The following SPC25 variants were observed in gnomAD, a reference collection of about 807,000 sequenced individuals.
The protein encoded by SPC25 is kinetochore protein Spc25.
SPC25 carries 22 observed loss-of-function variants against 29.6 expected under a neutral mutation model. The observed-to-expected ratio is 0.74, with a 90% confidence interval of 0.53 to 1.06. The LOEUF (loss-of-function observed/expected upper bound fraction) is 1.06. SPC25 is among the 50% of genes least tolerant of loss of function. The probability of loss-of-function intolerance (pLI) is 0.00; values close to 1 mark genes in which losing one functional copy is unlikely to be tolerated. For missense variants in SPC25, 230 were observed against 255.8 expected (o/e 0.90, Z 0.69); for synonymous variants, 91 against 90.4 (o/e 1.01, Z -0.04).
At chr2:168,869,050 A>C (rs1689929067), downstream of SPC25, among the ~76,000 whole-genome samples, 1 of 152,254 alleles carries the variant, frequency 6.6e-6, no homozygotes, top group Admixed American at 6.5e-5. Context: ...GGCTGGTTCA[A>C]CATACGAAAA....
At position 168,889,382 on chromosome 2, in the gene SPC25, G is replaced by T. The variant is rs751825373; in HGVS notation, c.133+5C>A. 2 of 1,613,992 alleles carry T rather than the reference G, an allele frequency of 1.2e-6. No homozygotes were observed. The highest frequency in any genetic ancestry group is 1.3e-5 in the African/African-American group (1 of 74,986). ...ACCAGCATGTTACAAGTTAACACTA[G>T]GTACCTGCAAATGCTTTGATGGAAT... On this transcript the variant is annotated splice_donor_5th_base_variant and intron_variant, in intron 2 of 6. Transcript: ENST00000282074.
At position 168,862,750 on chromosome 2, in the gene SPC25, C is replaced by G. The variant is rs938375842; in HGVS notation, n.419+10835G>C. Among the ~76,000 whole-genome samples, 5 of 130,496 alleles carry G rather than the reference C, an allele frequency of 3.8e-5. No individual in the cohort carries two copies. The Admixed American group carries it at 4.2e-4, about 11-fold the overall frequency. 85.6% of individuals were successfully genotyped at this position (130,496 alleles called of 152,430 possible). On this transcript the variant is annotated intron_variant and non_coding_transcript_variant, in intron 4 of 4. Transcript: ENST00000479309. The stretch of plus-strand genomic sequence containing the variant: ...ATTATTAAAGAAGAAAGTCTCCAGC[C>G]TCAACCTTCTTTATGTGTCCAGTTA...
intron 3 of SPC25, among the ~76,000 whole-genome samples, chr2:168,886,207 C>A (rs775215068): frequency 6.6e-6 from 1 of 152,148 alleles, no homozygotes; most frequent in East Asian, 1.9e-4. Flanking sequence ...GTGCCCACCA[C>A]CACACCTGGC....
intron 3 of SPC25, among the ~76,000 whole-genome samples, chr2:168,885,426 T>A (rs745996507): frequency 1.3e-5 from 2 of 152,240 alleles, no homozygotes; most frequent in Non-Finnish European, 2.9e-5. Flanking sequence ...TCCTGTTTAT[T>A]GTGCATGATT....
intron 3 of SPC25, among the ~76,000 whole-genome samples, 180 bp downstream of exon 3, chr2:168,889,044 TAC>T (rs200720034): frequency 9.7e-6 from 1 of 103,426 alleles, no homozygotes; most frequent in Non-Finnish European, 1.8e-5. Context: ...CATATATATA[TAC>T]ACATATATAT....
At chr2:168,868,266 T>C (rs977267246), downstream of SPC25, among the ~76,000 whole-genome samples, 20 of 152,242 alleles carry the variant, frequency 1.3e-4, no homozygotes, top group South Asian at 1.0e-3. Flanking sequence ...AGATCCAAAA[T>C]TGACACCCTA....
chr2:168,881,684 G>T (rs1288573309), intron 3 of SPC25, among the ~76,000 whole-genome samples: 1 of 152,162 alleles, frequency 6.6e-6, no homozygotes, highest in East Asian at 1.9e-4. Context: ...GCCAATTAAT[G>T]CCAGTAGTCT....
At chr2:168,863,528 G>A in intron 4 of SPC25, 2 of 985,274 alleles carry the variant, frequency 2.0e-6, no homozygotes, top group Non-Finnish European at 2.4e-6. Context: ...CATGTTTCTT[G>A]TCCAATTCTC....
At chr2:168,868,975 G>C (rs1430412898), downstream of SPC25, among the ~76,000 whole-genome samples, 1 of 152,096 alleles carries the variant, frequency 6.6e-6, no homozygotes, top group African/African-American at 2.4e-5. Context: ...CTGGCAAACT[G>C]AATCCAGCAG....
At chr2:168,874,166 G>A (rs770780466) in intron 5 of SPC25, among the ~76,000 whole-genome samples, 5 of 152,046 alleles carry the variant, frequency 3.3e-5, no homozygotes, top group East Asian at 1.9e-4. Context: ...AATGCAAGCC[G>A]AAACTACAAT....
At position 168,871,243 on chromosome 2, in the gene SPC25, T is replaced by C. The variant is rs538984776; in HGVS notation, c.*188A>G. The C allele has an allele frequency of 5.1e-6, 2 of 391,968 alleles. No individual in the cohort carries two copies. Among genetic ancestry groups the C allele is most frequent in the East Asian group, 9.9e-5 (2 of 20,204 alleles). The allele number at this position is 391,968 out of a possible 1,614,324, so 24.3% of individuals were successfully genotyped here. On this transcript the variant is annotated 3_prime_UTR_variant, in exon 7 of 7. Coordinates refer to ENST00000282074, the MANE Select transcript of SPC25 (RefSeq NM_020675.4). Reference sequence around the variant, plus strand: ...AGGGGGGAGGGATAGCATTAGGAGATATACCTAATGAAATGACGAGTTAAT... The same window carrying C: ...AGGGGGGAGGGATAGCATTAGGAGACATACCTAATGAAATGACGAGTTAAT...
intron 5 of SPC25, among the ~76,000 whole-genome samples, chr2:168,875,871 C>T (rs1182723498): frequency 6.6e-6 from 1 of 152,026 alleles, no homozygotes; most frequent in African/African-American, 2.4e-5. Context: ...GCCAAAAATA[C>T]ATTTATTAAA....
At position 168,876,074 on chromosome 2, in the gene SPC25, T is replaced by C. The variant is rs749495573; in HGVS notation, c.449A>G (p.Tyr150Cys). The change falls in exon 5 of 7, where the codon TAT becomes TGT. Residue 150 changes from tyrosine to cysteine, a missense_variant and splice_region_variant. Tyr to Cys is a radical substitution (Grantham distance 194). Coordinates refer to ENST00000282074, the MANE Select transcript of SPC25 (RefSeq NM_020675.4). ...TTTATTTATATTAACAAACTTACCA[T>C]AAATTTTTCGAATTTCTAGTCCAAG... Reference protein sequence around the residue: ...DRLGLEIRKIYGEKLQFIFTN... With the variant: ...DRLGLEIRKICGEKLQFIFTN... 1.3e-6 allele frequency: 2 copies of C among 1,516,796 alleles called. No homozygotes were observed. The highest frequency in any genetic ancestry group is 1.4e-5 in the African/African-American group (1 of 70,100). The allele number at this position is 1,516,796 out of a possible 1,614,324, so 94.0% of individuals were successfully genotyped here.
chr2:168,867,079 G>A (rs1379436554), downstream of SPC25, among the ~76,000 whole-genome samples: 1 of 152,104 alleles, frequency 6.6e-6, no homozygotes, highest in African/African-American at 2.4e-5. Flanking sequence ...ATTCCTCAGG[G>A]ATCTAGAACT....
At chr2:168,879,271 G>A (rs1328176333) in intron 3 of SPC25, among the ~76,000 whole-genome samples, 1 of 152,166 alleles carries the variant, frequency 6.6e-6, no homozygotes, top group African/African-American at 2.4e-5. Context: ...TTTACCCCTG[G>A]TAGAACTGTT....
intron 4 of SPC25, among the ~76,000 whole-genome samples, chr2:168,862,367 TGTCACA>T (rs1689515251): frequency 6.6e-6 from 1 of 151,978 alleles, no homozygotes; most frequent in African/African-American, 2.4e-5. Flanking sequence ...CTTTGGCTAA[TGTCACA>T]GGCTGTGGCA....
chr2:168,870,683 C>G (rs569200343), downstream of SPC25, among the ~76,000 whole-genome samples: 1 of 149,530 alleles, frequency 6.7e-6, no homozygotes, highest in Admixed American at 6.6e-5. Flanking sequence ...GTTAGAATGG[C>G]AATCATTAAA....
Position 168,883,531 on chromosome 2 carries a change from AC to A in SPC25, c.199+5694del, listed in dbSNP as rs563191250. Among the ~76,000 whole-genome samples, 5 of 152,352 alleles carry A rather than the reference AC, an allele frequency of 3.3e-5. No homozygotes were observed. The South Asian group carries it at 1.0e-3, about 32-fold the overall frequency. ...AGTCTGATTCAGCTTATCAGTTCTT[AC>A]CCAAAGATCTCGGTCAAAATCACGA... is the stretch of plus-strand genomic sequence containing the variant. On this transcript the variant is annotated intron_variant, in intron 3 of 6. Transcript: ENST00000282074.
At chr2:168,887,733 G>A (rs763386521) in intron 3 of SPC25, among the ~76,000 whole-genome samples, 11 of 152,196 alleles carry the variant, frequency 7.2e-5, no homozygotes, top group Non-Finnish European at 1.3e-4. Flanking sequence ...GGACAACCTG[G>A]AGAGTAGTAG....
Sources: gnomAD v4.1 joint callset for allele counts (sites outside exome capture counted in the v4.1 genomes callset) on GRCh38, gnomAD v4.1.1 for gene constraint, MANE v1.5 for transcripts, NCBI Gene and HGNC (gene_info 2026-07-23, HGNC 2026-07-21) for gene names.